The following MACROD2 variants were observed in gnomAD, a reference collection of about 807,000 sequenced individuals.
MACROD2 encodes mono-ADP ribosylhydrolase 2.
MACROD2 carries 36 observed loss-of-function variants against 70.4 expected under a neutral mutation model. The ratio of observed to expected loss-of-function variants is 0.51; its 90% CI spans 0.39 to 0.68. The LOEUF is 0.68. MACROD2 is among the 30% of genes least tolerant of loss of function. The pLI, the probability that MACROD2 is intolerant of heterozygous loss-of-function variation, is 0.00. For synonymous variants in MACROD2, 172 were observed against 178.8 expected (o/e 0.96, Z 0.30); for missense variants, 496 against 538.4 (o/e 0.92, Z 0.78).
At chr20:14,198,594 C>T (rs1313520219) in intron 3 of MACROD2, among the ~76,000 whole-genome samples, 2 of 152,178 alleles carry the variant, frequency 1.3e-5, no homozygotes, top group Admixed American at 6.5e-5. Flanking sequence ...AAACCCAGGT[C>T]ATCAATCTTT....
At chr20:14,502,021 GAGA>G (rs1568642321) in intron 4 of MACROD2, among the ~76,000 whole-genome samples, 1 of 152,144 alleles carries the variant, frequency 6.6e-6, no homozygotes, top group Non-Finnish European at 1.5e-5. Flanking sequence ...CTATAAAAAA[GAGA>G]AGTTTATTGA....
intron 3 of MACROD2, chr20:14,127,332 C>A (rs2054664005): frequency 3.2e-6 from 1 of 313,608 alleles, no homozygotes. Context: ...AAAGTTTGGG[C>A]CATAGTGTGC....
chr20:14,708,227 C>T (rs2071293151), intron 5 of MACROD2, among the ~76,000 whole-genome samples: 1 of 152,150 alleles, frequency 6.6e-6, no homozygotes, highest in Admixed American at 6.5e-5. Context: ...TTCCTGATAA[C>T]CTCTTATTAT....
chr20:14,649,992 C>T (rs543280156), intron 4 of MACROD2, among the ~76,000 whole-genome samples: 72 of 152,220 alleles, frequency 4.7e-4, no homozygotes, highest in Middle Eastern at 6.8e-3. Context: ...CTTAGTTGAG[C>T]CAATACCTTC....
chr20:14,960,763 T>C (rs550508343), intron 5 of MACROD2, among the ~76,000 whole-genome samples: 1 of 150,352 alleles, frequency 6.7e-6, no homozygotes, highest in South Asian at 2.1e-4. Flanking sequence ...TACATGGAAC[T>C]TTTTTTTTTC....
At chr20:14,305,224 A>G (rs2082509731) in intron 3 of MACROD2, among the ~76,000 whole-genome samples, 1 of 152,164 alleles carries the variant, frequency 6.6e-6, no homozygotes, top group East Asian at 1.9e-4. Context: ...TTTATCTAAA[A>G]TATAGACCTC....
chr20:15,201,815 T>C (rs376750485), intron 5 of MACROD2, among the ~76,000 whole-genome samples: 12 of 152,316 alleles, frequency 7.9e-5, no homozygotes, highest in South Asian at 6.2e-4. Flanking sequence ...TCTCCTTTTA[T>C]TCTGAGATAC....
intron 5 of MACROD2, among the ~76,000 whole-genome samples, chr20:14,685,532 ATTT>A (rs2070991904): frequency 6.6e-6 from 1 of 152,220 alleles, no homozygotes; most frequent in South Asian, 2.1e-4. Flanking sequence ...TTTCCGTTAT[ATTT>A]TAATAGAGAG....
intron 3 of MACROD2, among the ~76,000 whole-genome samples, chr20:14,171,513 C>T (rs1176060054): frequency 6.6e-6 from 1 of 152,062 alleles, no homozygotes; most frequent in East Asian, 1.9e-4. Context: ...TTTGCTGTAT[C>T]CCAGAATGTG....
chr20:15,101,533 T>TAAAAA (rs1568573864), intron 5 of MACROD2, among the ~76,000 whole-genome samples: 2 of 7,502 alleles, frequency 2.7e-4, no homozygotes, highest in African/African-American at 4.6e-4. Flanking sequence ...AGGTGTTGGT[T>TAAAAA]CAAAAAAAAA....
intron 5 of MACROD2, among the ~76,000 whole-genome samples, chr20:14,945,497 AC>A (rs1487606159): frequency 1.3e-5 from 2 of 152,172 alleles, no homozygotes; most frequent in Non-Finnish European, 2.9e-5. Flanking sequence ...TGTCCACTTC[AC>A]CAGCCAGCCC....
intron 5 of MACROD2, among the ~76,000 whole-genome samples, chr20:14,770,291 G>T (rs557202223): frequency 6.6e-6 from 1 of 152,008 alleles, no homozygotes; most frequent in East Asian, 1.9e-4. Flanking sequence ...AAGAAAAACT[G>T]TTCAGGATGA....
chr20:14,874,861 C>T (rs2073531623), intron 5 of MACROD2, among the ~76,000 whole-genome samples: 1 of 151,636 alleles, frequency 6.6e-6, no homozygotes, highest in African/African-American at 2.4e-5. Context: ...TGCGCCACAA[C>T]CCCTGGCTAA....
intron 7 of MACROD2, among the ~76,000 whole-genome samples, chr20:15,455,638 A>C (rs2046714691): frequency 6.6e-6 from 1 of 152,132 alleles, no homozygotes; most frequent in South Asian, 2.1e-4. Context: ...AATAACTGTC[A>C]GGCCTGTCGA....
intron 5 of MACROD2, among the ~76,000 whole-genome samples, chr20:14,852,736 T>C (rs377279957): frequency 2.0e-5 from 3 of 152,186 alleles, no homozygotes; most frequent in African/African-American, 7.2e-5. Flanking sequence ...ACTTGTCCAG[T>C]TGGAAGCAAA....
At chr20:14,251,683 A>G (rs1416777466) in intron 3 of MACROD2, among the ~76,000 whole-genome samples, 1 of 152,110 alleles carries the variant, frequency 6.6e-6, no homozygotes, top group Non-Finnish European at 1.5e-5. Flanking sequence ...TTATTTAAGC[A>G]AGTGGAAAAT....
At chr20:15,186,939 T>C (rs2076538622) in intron 5 of MACROD2, among the ~76,000 whole-genome samples, 1 of 152,218 alleles carries the variant, frequency 6.6e-6, no homozygotes, top group Non-Finnish European at 1.5e-5. Context: ...ATCTGATAAG[T>C]TTTTAAAATA....
At chr20:15,921,391 C>T (rs990741072) in intron 10 of MACROD2, among the ~76,000 whole-genome samples, 7 of 152,232 alleles carry the variant, frequency 4.6e-5, no homozygotes, top group East Asian at 1.9e-4. Context: ...CACCGGCCAT[C>T]GGCACTCCCG....
At chr20:14,109,424 T>C (rs1281380322) in intron 3 of MACROD2, among the ~76,000 whole-genome samples, 1 of 151,718 alleles carries the variant, frequency 6.6e-6, no homozygotes, top group East Asian at 1.9e-4. Flanking sequence ...ACAAATCAAA[T>C]TGATATGAAG....
Sources: gnomAD v4.1 joint callset for allele counts (sites outside exome capture counted in the v4.1 genomes callset) on GRCh38, gnomAD v4.1.1 for gene constraint, MANE v1.5 for transcripts, NCBI Gene and HGNC (gene_info 2026-07-23, HGNC 2026-07-21) for gene names.